The following SLC20A2 variants were observed in gnomAD, a reference collection of about 807,000 sequenced individuals.
SLC20A2 encodes the protein sodium-dependent phosphate transporter 2.
In SLC20A2, 30 loss-of-function variants were observed where a neutral mutation model predicts 61.0. That is an observed-to-expected ratio of 0.49 (90% confidence interval 0.37 to 0.67). The LOEUF is 0.67. Among genes scored for constraint, SLC20A2 ranks in the 30% least tolerant of loss-of-function variants. SLC20A2 has a pLI of 0.00. For missense variants in SLC20A2, 626 were observed against 866.4 expected (o/e 0.72, Z 3.48); for synonymous variants, 351 against 353.3 (o/e 0.99, Z 0.07).
intron 1 of SLC20A2, among the ~76,000 whole-genome samples, chr8:42,507,508 T>C (rs1810780864): frequency 6.6e-6 from 1 of 152,256 alleles, no homozygotes; most frequent in African/African-American, 2.4e-5. Flanking sequence ...ATGACTGCTG[T>C]TGTTTGAATA....
chr8:42,430,282 T>C (rs376152703), intron 8 of SLC20A2, 33 bp from the exon 9 acceptor site: 42 of 1,571,124 alleles, frequency 2.7e-5, no homozygotes, highest in Non-Finnish European at 3.5e-5. Context: ...AGATTAACTA[T>C]ATATGCAAGC....
At chr8:42,523,032 G>A (rs1811686680) in intron 1 of SLC20A2, among the ~76,000 whole-genome samples, 1 of 151,882 alleles carries the variant, frequency 6.6e-6, no homozygotes, top group Non-Finnish European at 1.5e-5. Flanking sequence ...GCAAAAAGGG[G>A]TTTTAAAAGT....
intron 8 of SLC20A2, 122 bp from the exon 9 acceptor site, chr8:42,430,371 C>T (rs1269114184): frequency 6.8e-6 from 6 of 881,820 alleles, no homozygotes; most frequent in South Asian, 1.9e-5. Context: ...GTTTTTCTTT[C>T]TTTTTTTTTG....
chr8:42,479,651 C>G (rs545954658), intron 1 of SLC20A2, among the ~76,000 whole-genome samples: 1 of 152,050 alleles, frequency 6.6e-6, no homozygotes, highest in Non-Finnish European at 1.5e-5. Flanking sequence ...CATAGCAAAA[C>G]CCTGTCTCTA....
chr8:42,434,403 T>A (rs550969284), intron 8 of SLC20A2, among the ~76,000 whole-genome samples: 88 of 145,730 alleles, frequency 6.0e-4, no homozygotes, highest in African/African-American at 2.1e-3. Context: ...ATGGATTATT[T>A]TTTTTTTTGA....
At chr8:42,520,008 C>CTTTTTTT (rs557576151) in intron 1 of SLC20A2, among the ~76,000 whole-genome samples, 3 of 102,684 alleles carry the variant, frequency 2.9e-5, no homozygotes, top group Non-Finnish European at 5.5e-5. Context: ...TTATGCTAAT[C>CTTTTTTT]TTTTTTTTTT....
chr8:42,524,157 C>T (rs1811770598), intron 1 of SLC20A2, among the ~76,000 whole-genome samples: 3 of 152,082 alleles, frequency 2.0e-5, no homozygotes, highest in Admixed American at 2.0e-4. Flanking sequence ...TCACTAAAGC[C>T]ACATTTTAAT....
At chr8:42,425,001 A>C (rs140856341) in intron 10 of SLC20A2, among the ~76,000 whole-genome samples, 3,044 of 152,226 alleles carry the variant, frequency 0.02, 80 homozygotes, top group South Asian at 0.12. Context: ...AGCCAAGATC[A>C]AGCCACTGCA....
chr8:42,472,232 T>C lies in SLC20A2; in HGVS notation c.159A>G (p.Ile53Met), dbSNP rs762590833. 7 of 1,614,090 alleles carry C rather than the reference T, an allele frequency of 4.3e-6. No homozygotes were observed. The South Asian group carries it at 6.6e-5, about 15-fold the overall frequency. The change falls in exon 2 of 11, where the codon ATA (isoleucine) becomes ATG (methionine). Residue 53 changes from isoleucine to methionine, a missense_variant. This residue lies in a region of SLC20A2 where 127 missense variants were observed against 215.4 expected (regional missense o/e 0.59). Coordinates refer to ENST00000520262, the MANE Select transcript of SLC20A2 (RefSeq NM_001257180.2). This position sits in a 1 kb window ranked among gnomAD's most constrained non-coding sequence, Gnocchi z 4.1. The stretch of plus-strand genomic sequence containing the variant: ...GTAACACGGAGCCGGTGGTTTCAAA[T>C]ATTGAAGCTAAAATGCATGCCTGCC... ...TLRQACILAS[I>M]FETTGSVLLG...
chr8:42,526,408 T>G (rs1811939567), intron 1 of SLC20A2, among the ~76,000 whole-genome samples: 1 of 151,062 alleles, frequency 6.6e-6, no homozygotes, highest in African/African-American at 2.4e-5. Context: ...GTGTGGTGGC[T>G]CACGCCTGTA....
intron 5 of SLC20A2, among the ~76,000 whole-genome samples, chr8:42,455,189 C>CACTCT (rs1451313313): frequency 7.3e-6 from 1 of 136,544 alleles, no homozygotes; most frequent in Non-Finnish European, 1.5e-5. Context: ...CACACTACTG[C>CACTCT]ACTCTAGCCT....
At chr8:42,447,681 GA>G (rs955104352) in intron 5 of SLC20A2, among the ~76,000 whole-genome samples, 8 of 151,890 alleles carry the variant, frequency 5.3e-5, no homozygotes, top group Middle Eastern at 3.2e-3. Flanking sequence ...TATCTCAGAA[GA>G]AAAAAAATTT....
In SLC20A2 at chr8:42,437,933, C is replaced by T. The variant is rs952531070; in HGVS notation, c.935-356G>A. The stretch of plus-strand genomic sequence containing the variant: ...CCAGCCCCAGCCTTTCGAATATAAG[C>T]GAAGGAAACACTCCCTACTATTTCA... On this transcript the variant is annotated intron_variant, in intron 7 of 10. Coordinates refer to ENST00000520262, the MANE Select transcript of SLC20A2 (RefSeq NM_001257180.2). The surrounding 1 kb of genome is among the most constrained non-coding windows in gnomAD (Gnocchi z 6.4). 6.6e-5 allele frequency among the ~76,000 whole-genome samples: 10 copies of T among 151,286 alleles called. No homozygotes were observed. The highest frequency in any genetic ancestry group is 1.9e-4 in the African/African-American group (8 of 41,182).
chr8:42,520,197 A>G (rs987448742), intron 1 of SLC20A2, among the ~76,000 whole-genome samples: 14 of 150,780 alleles, frequency 9.3e-5, no homozygotes, highest in Admixed American at 2.6e-4. Flanking sequence ...TATTTTTAGT[A>G]GAAACGGGGT....
intron 1 of SLC20A2, among the ~76,000 whole-genome samples, chr8:42,478,293 C>A (rs545680981): frequency 6.7e-6 from 1 of 148,362 alleles, no homozygotes; most frequent in Admixed American, 7.0e-5. Context: ...CTCACTACAA[C>A]CTCTGCCTCC....
At position 42,530,035 on chromosome 8, in the gene SLC20A2, G is replaced by A. The variant is rs191556948; in HGVS notation, c.-265+11786C>T. 9.2e-5 allele frequency among the ~76,000 whole-genome samples: 14 copies of A among 151,808 alleles called. No homozygotes were observed. The East Asian group carries it at 2.3e-3, about 25-fold the overall frequency. ...TTACCCCAGCTACAATCCTCATAAC[G>A]CACAAAATCACAATCTGATGGACAA... On this transcript the variant is annotated intron_variant, in intron 1 of 10. Transcript: ENST00000342228.
At position 42,417,679 on chromosome 8, in the gene SLC20A2, C is replaced by T; in HGVS notation, c.*124G>A. Reference sequence around the variant, plus strand: ...GGGATGGAGCCTCCTGGAAGGGAGGCAGAGAGCTGGTCATGAGAGAGCCGT... The same window carrying T: ...GGGATGGAGCCTCCTGGAAGGGAGGTAGAGAGCTGGTCATGAGAGAGCCGT... On this transcript the variant is annotated 3_prime_UTR_variant, in exon 11 of 11. Coordinates refer to ENST00000520262, the MANE Select transcript of SLC20A2 (RefSeq NM_001257180.2). The T allele has an allele frequency of 9.5e-7, 1 of 1,049,612 alleles. No individual in the cohort carries two copies. Among genetic ancestry groups the T allele is most frequent in the Non-Finnish European group, 1.4e-6 (1 of 717,996 alleles). The allele number at this position is 1,049,612 out of a possible 1,614,324, so 65.0% of individuals were successfully genotyped here. A position where few individuals can be genotyped will look rare whatever the true frequency, so the allele number is the denominator to read the frequency against.
At chr8:42,444,577 G>C (rs1805050763) in intron 6 of SLC20A2, 69 bp downstream of exon 6, 5 of 1,138,124 alleles carry the variant, frequency 4.4e-6, no homozygotes, top group Non-Finnish European at 6.7e-6. Flanking sequence ...AAGGATCATG[G>C]CATGTTACAT....
chr8:42,459,839 A>T, intron 5 of SLC20A2, 57 bp downstream of exon 5: 1 of 1,113,966 alleles, frequency 9.0e-7, no homozygotes, highest in Non-Finnish European at 1.4e-6. Context: ...AAATAAACTG[A>T]TACTGTTAGA....
Sources: allele counts gnomAD v4.1 joint callset (sites outside exome capture counted in the v4.1 genomes callset), GRCh38; gene constraint gnomAD v4.1.1; regional missense constraint gnomAD v4.1.1; non-coding constraint Gnocchi (gnomAD v3.1); transcripts MANE v1.5; gene names NCBI Gene and HGNC (gene_info 2026-07-23, HGNC 2026-07-21).